RALGPS2: variants seen among roughly 807,000 people sequenced by gnomAD.
RALGPS2 encodes Ral GEF with PH domain and SH3 binding motif 2, also known as ras-specific guanine nucleotide-releasing factor RalGPS2.
Under a neutral mutation model 86.8 loss-of-function variants are expected in RALGPS2, and 43 were observed. That is an observed-to-expected ratio of 0.50 (90% CI 0.39 to 0.64). RALGPS2 has a LOEUF of 0.64. Among genes scored for constraint, RALGPS2 ranks in the 30% least tolerant of loss-of-function variants. The pLI is 0.00. For synonymous variants in RALGPS2, 243 were observed against 231.3 expected (o/e 1.05, Z -0.46); for missense variants, 536 against 694.6 (o/e 0.77, Z 2.57).
At chr1:178,856,944 G>GA (rs1465539866) in intron 8 of RALGPS2, among the ~76,000 whole-genome samples, 1 of 152,030 alleles carries the variant, frequency 6.6e-6, no homozygotes, top group Non-Finnish European at 1.5e-5. Flanking sequence ...AATGTGCTTG[G>GA]AAAAAATCCC....
At chr1:178,885,915 G>A in intron 12 of RALGPS2, 54 bp from the exon 13 acceptor site, 5 of 1,435,852 alleles carry the variant, frequency 3.5e-6, no homozygotes, top group South Asian at 1.3e-5. Context: ...ATAAAGAGCA[G>A]TTTTTAAATT....
chr1:178,865,803 C>T, intron 8 of RALGPS2: 2 of 1,512,738 alleles, frequency 1.3e-6, no homozygotes, highest in Non-Finnish European at 1.8e-6. Flanking sequence ...AAAATGATGT[C>T]TTTTGAAAAA....
At chr1:178,809,676 A>G (rs1415350228) in intron 5 of RALGPS2, among the ~76,000 whole-genome samples, 1 of 151,652 alleles carries the variant, frequency 6.6e-6, no homozygotes, top group Non-Finnish European at 1.5e-5. Context: ...GCTTTAATGG[A>G]CTGTCATTTG....
intron 4 of RALGPS2, among the ~76,000 whole-genome samples, chr1:178,799,366 ACT>A (rs927679984): frequency 1.3e-5 from 2 of 151,534 alleles, no homozygotes; most frequent in Non-Finnish European, 2.9e-5. Context: ...AAAGTGTCCT[ACT>A]CTGGAAAAAA....
intron 8 of RALGPS2, chr1:178,865,311 T>C: frequency 6.2e-7 from 1 of 1,614,070 alleles, no homozygotes; most frequent in East Asian, 2.2e-5. Context: ...AGGATTTTGT[T>C]TTCCAGTTGG....
rs183067057 is a variant in RALGPS2 at position 178,882,322 on chromosome 1, G to A, written c.837-1144G>A. On this transcript the variant is annotated intron_variant, in intron 10 of 19. Transcript: ENST00000367635. ...TAAGCTTCAGAAGGACAGGAATACC[G>A]TGTCTGCCGTAATCTCTATTATATT... Among the ~76,000 whole-genome samples, 54 of 152,222 alleles carry A rather than the reference G, an allele frequency of 3.5e-4. No individual in the cohort carries two copies. In the East Asian group the frequency reaches 9.8e-3, roughly 28 times the overall value.
chr1:178,874,458 G>A (rs1658909724), intron 8 of RALGPS2, among the ~76,000 whole-genome samples: 1 of 152,132 alleles, frequency 6.6e-6, no homozygotes. Flanking sequence ...CTACAGGCGA[G>A]TTGTCATCTG....
In RALGPS2 at chr1:178,897,744, C is replaced by T. The variant is rs866358158; in HGVS notation, c.1512C>T (p.Thr504=). ...ATGCTGCCAAATCTCTAAAGGCTAC[C>T]GAAAGAAAACATGTAAGTATTTGTT... ...FYYAAKSLKA[T]ERKHFKSTSN... Residue 504 remains threonine, a synonymous_variant, in exon 17 of 20, where the codon ACC becomes ACT. Coordinates refer to ENST00000367635, the MANE Select transcript of RALGPS2 (RefSeq NM_152663.5). 20 of 1,609,842 alleles carry T rather than the reference C, an allele frequency of 1.2e-5. No homozygotes were observed. The Middle Eastern group carries it at 1.7e-3, about 133-fold the overall frequency.
intron 1 of RALGPS2, among the ~76,000 whole-genome samples, chr1:178,761,077 G>A (rs1364921302): frequency 6.6e-6 from 1 of 151,482 alleles, no homozygotes. Flanking sequence ...CAGGTTCAAG[G>A]GGTTCTTGTG....
intron 1 of RALGPS2, among the ~76,000 whole-genome samples, chr1:178,729,073 A>T (rs961054295): frequency 6.6e-6 from 1 of 152,134 alleles, no homozygotes; most frequent in Non-Finnish European, 1.5e-5. Context: ...TGAATAATAC[A>T]TTGCTTTGGA....
intron 8 of RALGPS2, among the ~76,000 whole-genome samples, chr1:178,854,969 T>C (rs1657430220): frequency 6.6e-6 from 1 of 152,102 alleles, no homozygotes. Flanking sequence ...AATATATTAA[T>C]GGATTTAGAA....
At chr1:178,745,825 T>C (rs1033509449) in intron 1 of RALGPS2, among the ~76,000 whole-genome samples, 15 of 127,944 alleles carry the variant, frequency 1.2e-4, no homozygotes, top group African/African-American at 3.5e-4. Flanking sequence ...AATTCTTCTT[T>C]TTTTTTTTTT....
At chr1:178,833,807 C>A (rs1266539404) in intron 8 of RALGPS2, among the ~76,000 whole-genome samples, 1 of 152,018 alleles carries the variant, frequency 6.6e-6, no homozygotes, top group Non-Finnish European at 1.5e-5. Context: ...TATAGTAAAA[C>A]AATATTTTTA....
In RALGPS2 at chr1:178,878,902, A is replaced by G. The variant is rs746041179; in HGVS notation, c.746A>G (p.Asp249Gly). Residue 249 changes from aspartate to glycine, a missense_variant and splice_region_variant, in exon 10 of 20, where the codon GAT becomes GGT. By Grantham distance (94) the Asp-to-Gly change is moderately conservative. Around this residue, in one of 3 missense-constraint regions of RALGPS2, gnomAD observed 184 missense variants for 296.7 expected, o/e 0.62. Transcript: ENST00000367635. ...TAATTATTTATCACCTTTTGCCTAG[A>G]TATTCCCATGTTGCCTCATGTCCAA... Reference protein sequence around the residue: ...ISDLQQSCEYDIPMLPHVQKY... With the variant: ...ISDLQQSCEYGIPMLPHVQKY... The G allele has an allele frequency of 1.2e-6, 2 of 1,612,304 alleles. No homozygotes were observed. Among genetic ancestry groups the G allele is most frequent in the Non-Finnish European group, 1.7e-6 (2 of 1,179,332 alleles).
intron 17 of RALGPS2, among the ~76,000 whole-genome samples, chr1:178,900,984 C>A (rs1273196313): frequency 6.6e-6 from 1 of 151,982 alleles, no homozygotes; most frequent in Non-Finnish European, 1.5e-5. Context: ...GTATTCATGT[C>A]GAAGTACATT....
chr1:178,824,727 T>G (rs1655669714), intron 7 of RALGPS2, among the ~76,000 whole-genome samples: 1 of 151,794 alleles, frequency 6.6e-6, no homozygotes, highest in African/African-American at 2.4e-5. Context: ...GAGAATGGCG[T>G]GAACCCAGGA....
chr1:178,875,942 C>A lies in RALGPS2; in HGVS notation c.608-1556C>A, dbSNP rs145860883. On this transcript the variant is annotated intron_variant, in intron 8 of 19. Transcript: ENST00000367635. ...TTGGGGAAAGTGGGAAGAACCTCAGCTTCATTTGGAACCTCAAGATTCATT... is the reference window on the plus strand; with the variant it reads ...TTGGGGAAAGTGGGAAGAACCTCAGATTCATTTGGAACCTCAAGATTCATT... 2.6e-5 allele frequency among the ~76,000 whole-genome samples: 4 copies of A among 152,046 alleles called. No individual in the cohort carries two copies. The East Asian group carries it at 7.8e-4, about 29-fold the overall frequency.
At chr1:178,811,010 G>A (rs550502600) in intron 5 of RALGPS2, among the ~76,000 whole-genome samples, 55 of 151,828 alleles carry the variant, frequency 3.6e-4, no homozygotes, top group Non-Finnish European at 5.4e-4. Flanking sequence ...TTATTTGAAA[G>A]CATTACAAAA....
At chr1:178,793,390 A>G (rs1222533854) in intron 4 of RALGPS2, among the ~76,000 whole-genome samples, 3 of 150,434 alleles carry the variant, frequency 2.0e-5, no homozygotes, top group Non-Finnish European at 3.0e-5. Context: ...TTCGATCAAA[A>G]CCACAGGGGT....
Sources: allele counts gnomAD v4.1 joint callset (sites outside exome capture counted in the v4.1 genomes callset), GRCh38; gene constraint gnomAD v4.1.1; regional missense constraint gnomAD v4.1.1; transcripts MANE v1.5; gene names NCBI Gene and HGNC (gene_info 2026-07-23, HGNC 2026-07-21).